Variants in MMP26 observed in about 807,000 individuals in gnomAD.
MMP26 encodes matrix metallopeptidase 26.
Under a neutral mutation model 31.0 loss-of-function variants are expected in MMP26, and 33 were observed. That is an observed-to-expected ratio of 1.06 (90% CI 0.81 to 1.42). The LOEUF is 1.42. Among genes scored for constraint, MMP26 ranks in the 40% most tolerant of loss-of-function variants. The pLI, the probability that MMP26 is intolerant of heterozygous loss-of-function variation, is 0.00. For synonymous variants in MMP26, 122 were observed against 114.9 expected (o/e 1.06, Z -0.40); for missense variants, 347 against 316.1 (o/e 1.10, Z -0.74).
chr11:4,893,087 A>G (rs1850650937), intron 2 of MMP26, among the ~76,000 whole-genome samples: 1 of 152,008 alleles, frequency 6.6e-6, no homozygotes, highest in Non-Finnish European at 1.5e-5. Flanking sequence ...TGCCATTGTC[A>G]AAGTCATGTT....
intron 2 of MMP26, among the ~76,000 whole-genome samples, chr11:4,959,809 A>G (rs1846495874): frequency 6.6e-6 from 1 of 152,166 alleles, no homozygotes; most frequent in Admixed American, 6.5e-5. Context: ...TTTTCTAAAT[A>G]TACTCATACT....
chr11:4,841,666 C>T (rs1849798048), intron 2 of MMP26, among the ~76,000 whole-genome samples: 1 of 152,204 alleles, frequency 6.6e-6, no homozygotes, highest in Non-Finnish European at 1.5e-5. Flanking sequence ...AGCATGGCGG[C>T]TCACATCTGT....
intron 2 of MMP26, among the ~76,000 whole-genome samples, chr11:4,921,178 C>A (rs1437427669): frequency 2.0e-5 from 3 of 152,128 alleles, no homozygotes; most frequent in Non-Finnish European, 4.4e-5. Context: ...GGATGAAGTA[C>A]CTATCTTATT....
At chr11:4,734,954 T>C (rs1195168987) in intron 1 of MMP26, among the ~76,000 whole-genome samples, 1 of 152,086 alleles carries the variant, frequency 6.6e-6, no homozygotes, top group Non-Finnish European at 1.5e-5. Context: ...CAGCTATGAG[T>C]GAGGGCTGGG....
intron 2 of MMP26, among the ~76,000 whole-genome samples, chr11:4,811,008 A>G (rs1216229696): frequency 2.0e-5 from 3 of 152,234 alleles, no homozygotes; most frequent in Admixed American, 6.5e-5. Context: ...CAATATGTAT[A>G]TGATAGATGG....
At chr11:4,866,520 A>G (rs1850236558) in intron 2 of MMP26, among the ~76,000 whole-genome samples, 1 of 152,212 alleles carries the variant, frequency 6.6e-6, no homozygotes, top group African/African-American at 2.4e-5. Flanking sequence ...AAAGCAATTT[A>G]TAGATTCAAT....
intron 2 of MMP26, among the ~76,000 whole-genome samples, chr11:4,970,126 G>C (rs1388464980): frequency 1.3e-5 from 2 of 151,996 alleles, no homozygotes; most frequent in Non-Finnish European, 2.9e-5. Context: ...CTATGAGTTA[G>C]TAAAGCATAG....
intron 2 of MMP26, among the ~76,000 whole-genome samples, chr11:4,942,214 G>T (rs1846221172): frequency 6.6e-6 from 1 of 151,178 alleles, no homozygotes; most frequent in Non-Finnish European, 1.5e-5. Context: ...GTGTTAAAAT[G>T]ACAAAGTAGT....
intron 2 of MMP26, among the ~76,000 whole-genome samples, chr11:4,814,715 G>A (rs2133465199): frequency 6.6e-6 from 1 of 152,254 alleles, no homozygotes; most frequent in African/African-American, 2.4e-5. Flanking sequence ...TACTGGCTCT[G>A]TAGCCAGCAA....
intron 1 of MMP26, chr11:4,736,733 G>A (rs907977318): frequency 1.2e-4 from 18 of 152,248 alleles, no homozygotes; most frequent in Admixed American, 8.5e-4. Context: ...GCAATGAAGC[G>A]ATCAAAGGCC....
At chr11:4,990,548 G>C (rs373470528) in intron 4 of MMP26, 50 bp from the exon 5 acceptor site, 1 of 1,530,484 alleles carries the variant, frequency 6.5e-7, no homozygotes, top group Non-Finnish European at 8.9e-7. Context: ...TTAGAGCTAG[G>C]ATAATTCCCA....
At chr11:4,730,517 G>A (rs1440973570) in intron 1 of MMP26, among the ~76,000 whole-genome samples, 2 of 151,990 alleles carry the variant, frequency 1.3e-5, no homozygotes, top group African/African-American at 4.8e-5. Context: ...GATCAGATTA[G>A]CACAGCTTCC....
At chr11:4,880,386 G>A (rs1320525202) in intron 2 of MMP26, among the ~76,000 whole-genome samples, 2 of 151,862 alleles carry the variant, frequency 1.3e-5, no homozygotes, top group East Asian at 1.9e-4. Flanking sequence ...AGAAGATAAA[G>A]CAATAAATTG....
At chr11:4,857,651 G>A (rs985765501) in intron 2 of MMP26, among the ~76,000 whole-genome samples, 1 of 152,146 alleles carries the variant, frequency 6.6e-6, no homozygotes, top group Non-Finnish European at 1.5e-5. Flanking sequence ...GAGGTACAAG[G>A]AGGAGCTGGT....
intron 1 of MMP26, among the ~76,000 whole-genome samples, chr11:4,725,420 A>C (rs1476811257): frequency 6.6e-6 from 1 of 152,230 alleles, no homozygotes; most frequent in Non-Finnish European, 1.5e-5. Flanking sequence ...ACATACCCTA[A>C]TGGTGAGCTA....
intron 1 of MMP26, among the ~76,000 whole-genome samples, chr11:4,762,428 C>G (rs1462628984): frequency 6.6e-6 from 1 of 152,130 alleles, no homozygotes; most frequent in African/African-American, 2.4e-5. Context: ...GTTAGGGCCT[C>G]TTAATACAGT....
chr11:4,726,375 T>C (rs531245309), intron 1 of MMP26, among the ~76,000 whole-genome samples: 15 of 151,674 alleles, frequency 9.9e-5, no homozygotes, highest in East Asian at 9.8e-4. Context: ...GGCACGAGAA[T>C]CACTCGAACC....
At position 4,921,455 on chromosome 11, in the gene MMP26, A is replaced by C. The variant is rs16907404; in HGVS notation, c.-144-66613A>C. On this transcript the variant is annotated intron_variant, in intron 2 of 7. Coordinates refer to ENST00000380390, the MANE Select transcript of MMP26 (RefSeq NM_021801.5). ...GATCCGTGAGGGATTCAAGTCATGC[A>C]CTGGCCAAAGGCTGATGGCTTCATC... Among the ~76,000 whole-genome samples, 1,201 of 152,382 alleles carry C rather than the reference A, an allele frequency of 7.9e-3. 57 individuals carry two copies. The highest frequency in any genetic ancestry group is 0.069 in the Admixed American group (1,049 of 15,308).
At chr11:4,803,017 C>T (rs1220362278) in intron 2 of MMP26, among the ~76,000 whole-genome samples, 2 of 152,088 alleles carry the variant, frequency 1.3e-5, no homozygotes, top group Admixed American at 6.5e-5. Context: ...AACATATTCT[C>T]AGATGAAGAA....
Sources: allele counts gnomAD v4.1 joint callset (sites outside exome capture counted in the v4.1 genomes callset), GRCh38; gene constraint gnomAD v4.1.1; transcripts MANE v1.5; gene names NCBI Gene and HGNC (gene_info 2026-07-23, HGNC 2026-07-21).